ZNF560: variants seen among roughly 807,000 people sequenced by gnomAD.
The protein encoded by ZNF560 is zinc finger protein 560.
In ZNF560, 54 loss-of-function variants were observed where a neutral mutation model predicts 81.8. The ratio of observed to expected loss-of-function variants is 0.66; its 90% CI spans 0.53 to 0.83. The LOEUF (loss-of-function observed/expected upper bound fraction) is 0.83, where lower values mean the gene tolerates loss of function less well. ZNF560 is among the 40% of genes least tolerant of loss of function. ZNF560 has a pLI of 0.00. For missense variants in ZNF560, 940 were observed against 932.4 expected, an observed-to-expected ratio of 1.01 and a Z score of -0.11; for synonymous variants, 321 against 317.9, an observed-to-expected ratio of 1.01 and a Z score of -0.10.
chr19:9,484,840 A>T (rs962113999), intron 2 of ZNF560, among the ~76,000 whole-genome samples: 11 of 145,568 alleles, frequency 7.6e-5, no homozygotes, highest in African/African-American at 3.1e-4. Flanking sequence ...AAAATAAAAA[A>T]AAGAAAAAAA....
At position 9,474,071 on chromosome 19, in the gene ZNF560, T is replaced by C. The variant is rs1238381321; in HGVS notation, c.157+128A>G. 3.8e-6 allele frequency: 4 copies of C among 1,043,418 alleles called. No individual in the cohort carries two copies. The African/African-American group carries it at 6.3e-5, about 16-fold the overall frequency. The allele number at this position is 1,043,418 out of a possible 1,614,324, so 64.6% of individuals were successfully genotyped here. A position where few individuals can be genotyped will look rare whatever the true frequency, so the allele number is the denominator to read the frequency against. ...ACACTTTGAAAACGACCACAGTAAT[T>C]AAGACCTATTATGGCAGGGACAACG... On this transcript the variant is annotated intron_variant, in intron 4 of 9. Transcript: ENST00000301480.
At chr19:9,470,357 C>G (rs763081467) in intron 7 of ZNF560, 35 bp downstream of exon 7, 226 of 1,571,796 alleles carry the variant, frequency 1.4e-4, no homozygotes, top group Non-Finnish European at 1.9e-4. Context: ...GTATCTTGTT[C>G]CAGAATAGGC....
chr19:9,475,767 C>T (rs767099246), intron 2 of ZNF560, among the ~76,000 whole-genome samples: 12 of 151,970 alleles, frequency 7.9e-5, no homozygotes, highest in South Asian at 2.1e-4. Context: ...CCACCACGCC[C>T]GGCTAATTTT....
At chr19:9,485,783 G>A (rs183394043) in intron 2 of ZNF560, among the ~76,000 whole-genome samples, 75 of 152,086 alleles carry the variant, frequency 4.9e-4, no homozygotes, top group Middle Eastern at 6.8e-3. Context: ...TGATCCTCCC[G>A]CTTCTATCTC....
chr19:9,474,118 A>C, intron 4 of ZNF560, 81 bp downstream of exon 4: 1 of 1,540,274 alleles, frequency 6.5e-7, no homozygotes, highest in South Asian at 1.1e-5. Flanking sequence ...TTCAGTGTTG[A>C]ACAAACCAAT....
chr19:9,497,894 G>T (rs909796296), intron 2 of ZNF560, among the ~76,000 whole-genome samples: 4 of 152,152 alleles, frequency 2.6e-5, no homozygotes, highest in Non-Finnish European at 4.4e-5. Context: ...GAATGGCTGA[G>T]TATTCTTAGG....
At chr19:9,446,100 A>G in the ZNF560 span, among the ~76,000 whole-genome samples, 1 of 152,068 alleles carries the variant, frequency 6.6e-6, no homozygotes, top group Non-Finnish European at 1.5e-5. Context: ...GGAACTCTCC[A>G]TGTTGGTCAT....
chr19:9,500,605 G>A (rs187833236), upstream of ZNF560, among the ~76,000 whole-genome samples: 8 of 151,208 alleles, frequency 5.3e-5, no homozygotes, highest in African/African-American at 9.7e-5. Flanking sequence ...AGACAATCTC[G>A]CTCTGTCACC....
At chr19:9,488,794 C>A (rs908502064) in intron 2 of ZNF560, among the ~76,000 whole-genome samples, 2 of 152,158 alleles carry the variant, frequency 1.3e-5, no homozygotes, top group Non-Finnish European at 2.9e-5. Context: ...TCATGTGGAA[C>A]TGTAGTCCCC....
rs1382351185 is a variant in ZNF560 at position 9,473,946 on chromosome 19, T to C, written c.157+253A>G. Among the ~76,000 whole-genome samples the C allele has an allele frequency of 2.6e-5, 4 of 152,314 alleles. No homozygotes were observed. The Middle Eastern group carries it at 0.014, about 518-fold the overall frequency. ...TGTGGAAGGATAGTTAACACACAGA[T>C]GACAATCCAAGTGGAGAGTTTCTGA... On this transcript the variant is annotated intron_variant, in intron 4 of 9. Transcript: ENST00000301480.
chr19:9,494,503 C>T (rs557214955), intron 2 of ZNF560, among the ~76,000 whole-genome samples: 18 of 152,158 alleles, frequency 1.2e-4, no homozygotes, highest in Admixed American at 9.8e-4. Flanking sequence ...GGGAGGCCAA[C>T]GTGGGTGGAT....
chr19:9,470,369 A>G, intron 7 of ZNF560, 23 bp downstream of exon 7: 1 of 1,593,924 alleles, frequency 6.3e-7, no homozygotes. Flanking sequence ...AGAATAGGCT[A>G]CAAGGGATGA....
the ZNF560 span, among the ~76,000 whole-genome samples, chr19:9,461,204 A>G: frequency 6.6e-6 from 1 of 152,208 alleles, no homozygotes; most frequent in African/African-American, 2.4e-5. Flanking sequence ...ATTTGGATAC[A>G]AAGTTGTGTT....
At chr19:9,471,188 T>C (rs2073115131) in intron 6 of ZNF560, 108 bp downstream of exon 6, 10 of 763,128 alleles carry the variant, frequency 1.3e-5, no homozygotes, top group South Asian at 9.4e-5. Flanking sequence ...TTGCTCCCTC[T>C]TGAGTGAATG....
downstream of ZNF560, among the ~76,000 whole-genome samples, chr19:9,462,331 TG>T (rs1403491154): frequency 5.3e-5 from 8 of 152,250 alleles, no homozygotes; most frequent in South Asian, 2.1e-4. Context: ...ATAAGCAATC[TG>T]TGCCTTAATG....
At chr19:9,448,436 A>T in the ZNF560 span, among the ~76,000 whole-genome samples, 1 of 115,268 alleles carries the variant, frequency 8.7e-6, no homozygotes, top group African/African-American at 3.7e-5. Context: ...GGGTTTCTCC[A>T]TGTTGGTCAG....
intron 2 of ZNF560, among the ~76,000 whole-genome samples, chr19:9,487,160 T>C (rs1020077124): frequency 1.3e-5 from 2 of 152,194 alleles, no homozygotes; most frequent in Admixed American, 1.3e-4. Flanking sequence ...GGATAAAAAT[T>C]GCTTCCCTCC....
chr19:9,481,686 C>G (rs532469933), intron 2 of ZNF560, among the ~76,000 whole-genome samples: 1 of 152,350 alleles, frequency 6.6e-6, no homozygotes, highest in African/African-American at 2.4e-5. Context: ...CTCATCATCA[C>G]TGGTCATCAA....
chr19:9,502,255 A>G (rs959049320), upstream of ZNF560, among the ~76,000 whole-genome samples: 1 of 151,928 alleles, frequency 6.6e-6, no homozygotes, highest in African/African-American at 2.4e-5. Flanking sequence ...CTCTGTTGCC[A>G]GGCTGGAGTG....
Sources: allele counts gnomAD v4.1 joint callset (sites outside exome capture counted in the v4.1 genomes callset), GRCh38; gene constraint gnomAD v4.1.1; transcripts MANE v1.5; gene names NCBI Gene and HGNC (gene_info 2026-07-23, HGNC 2026-07-21).